Variants in PHACTR1 observed in about 807,000 individuals in gnomAD.
PHACTR1 encodes phosphatase and actin regulator 1.
A neutral mutation model predicts 69.2 loss-of-function variants in PHACTR1; 16 were observed. The observed-to-expected ratio is 0.23, with a 90% CI of 0.16 to 0.35. The LOEUF is 0.35. PHACTR1 is among the 10% of genes least tolerant of loss of function. The pLI is 1.00. For synonymous variants in PHACTR1, 312 were observed against 284.5 expected (o/e 1.10, Z -0.97); for missense variants, 510 against 734.7 (o/e 0.69, Z 3.54).
rs1000804707 is a variant in PHACTR1 at position 12,784,101 on chromosome 6, CTACA to C, written c.250+34321_250+34324del. ...TGGACATACACATATATCTCTACAC[CTACA>C]TACATACATGATGATATATACATAT... On this transcript the variant is annotated intron_variant, in intron 4 of 14. Coordinates refer to ENST00000332995, the MANE Select transcript of PHACTR1 (RefSeq NM_030948.6). Among the ~76,000 whole-genome samples the C allele has an allele frequency of 3.2e-4, 49 of 151,802 alleles. 1 individual carries two copies. Among genetic ancestry groups the C allele is most frequent in the Non-Finnish European group, 6.8e-4 (46 of 67,950 alleles).
intron 4 of PHACTR1, among the ~76,000 whole-genome samples, chr6:13,007,356 G>A (rs919515058): frequency 2.6e-5 from 4 of 152,164 alleles, no homozygotes; most frequent in Non-Finnish European, 5.9e-5. Context: ...GGGATTTATA[G>A]TTTGGAGCAA....
At chr6:13,051,524 TTGAC>T (rs1207890502) in intron 4 of PHACTR1, among the ~76,000 whole-genome samples, 3 of 152,210 alleles carry the variant, frequency 2.0e-5, no homozygotes, top group African/African-American at 7.2e-5. Flanking sequence ...AGGCTCACAG[TTGAC>T]TGAGTTCCTT....
chr6:12,811,706 G>A (rs537544788), intron 4 of PHACTR1, among the ~76,000 whole-genome samples: 141 of 152,202 alleles, frequency 9.3e-4, no homozygotes, highest in Middle Eastern at 3.4e-3. Flanking sequence ...ACCCCACACG[G>A]ATCACCCTTT....
Position 13,008,798 on chromosome 6 carries a change from G to GA in PHACTR1, c.251-44560dup, listed in dbSNP as rs534195688. On this transcript the variant is annotated intron_variant, in intron 4 of 14. Coordinates refer to ENST00000332995, the MANE Select transcript of PHACTR1 (RefSeq NM_030948.6). ...ATACTGCACATTTAGAGCAAACCTG[G>GA]AAAAAAATAGATGCTATTCTTGTAA... Among the ~76,000 whole-genome samples the GA allele has an allele frequency of 1.8e-3, 267 of 152,232 alleles. 2 individuals carry two copies. Among genetic ancestry groups the GA allele is most frequent in the Admixed American group, 3.1e-3 (48 of 15,298 alleles).
intron 4 of PHACTR1, among the ~76,000 whole-genome samples, chr6:12,966,781 G>A (rs1206915189): frequency 6.6e-6 from 1 of 152,116 alleles, no homozygotes; most frequent in Non-Finnish European, 1.5e-5. Context: ...GTAAAAATAT[G>A]TGAAATTTCA....
At chr6:13,215,993 C>CAT (rs10623313) in intron 8 of PHACTR1, among the ~76,000 whole-genome samples, 90,524 of 151,824 alleles carry the variant, frequency 0.6, 27,923 homozygotes, top group Admixed American at 0.68. Flanking sequence ...AAAATTATAA[C>CAT]TGATAAGTTT....
At chr6:13,163,756 G>A (rs1411385552) in intron 6 of PHACTR1, among the ~76,000 whole-genome samples, 1 of 152,252 alleles carries the variant, frequency 6.6e-6, no homozygotes, top group East Asian at 1.9e-4. Context: ...TAGTCAAGTT[G>A]CTTGACTTCT....
At chr6:12,759,155 G>C (rs1767736569) in intron 4 of PHACTR1, among the ~76,000 whole-genome samples, 1 of 149,370 alleles carries the variant, frequency 6.7e-6, no homozygotes, top group Admixed American at 6.7e-5. Context: ...AGAATGGCTG[G>C]AACTCACTGT....
At chr6:12,798,069 C>CACACACACACACACA (rs1561892342) in intron 4 of PHACTR1, among the ~76,000 whole-genome samples, 7 of 149,476 alleles carry the variant, frequency 4.7e-5, no homozygotes, top group African/African-American at 7.3e-5. Context: ...CACACACACA[C>CACACACACACACACA]CCCTACATAA....
intron 4 of PHACTR1, among the ~76,000 whole-genome samples, chr6:12,838,596 G>T (rs1778392912): frequency 6.6e-6 from 1 of 152,184 alleles, no homozygotes; most frequent in African/African-American, 2.4e-5. Flanking sequence ...TTCGTAAAAT[G>T]GGAGGCCCTC....
chr6:13,164,838 G>A (rs1244519858), intron 6 of PHACTR1, among the ~76,000 whole-genome samples: 1 of 152,138 alleles, frequency 6.6e-6, no homozygotes, highest in East Asian at 1.9e-4. Flanking sequence ...ATTTAATTCA[G>A]GCAAAATGAG....
intron 10 of PHACTR1, among the ~76,000 whole-genome samples, chr6:13,247,717 CTAGGCA>C (rs1394981889): frequency 1.3e-5 from 2 of 152,084 alleles, no homozygotes; most frequent in Non-Finnish European, 2.9e-5. Flanking sequence ...ATTGTGGAAG[CTAGGCA>C]TGCACCTATA....
At chr6:12,791,612 TGA>T (rs1315381538) in intron 4 of PHACTR1, among the ~76,000 whole-genome samples, 1 of 152,212 alleles carries the variant, frequency 6.6e-6, no homozygotes, top group Non-Finnish European at 1.5e-5. Flanking sequence ...GCCTCATGCT[TGA>T]GAGAGTTTCT....
chr6:12,784,868 C>T (rs1464810961), intron 4 of PHACTR1, among the ~76,000 whole-genome samples: 1 of 151,916 alleles, frequency 6.6e-6, no homozygotes, highest in Non-Finnish European at 1.5e-5. Flanking sequence ...GCATGCACCA[C>T]CATGCCCAGC....
intron 10 of PHACTR1, among the ~76,000 whole-genome samples, chr6:13,248,435 G>A (rs986361908): frequency 6.6e-6 from 1 of 152,188 alleles, no homozygotes; most frequent in African/African-American, 2.4e-5. Context: ...TGATCTCTAT[G>A]CATTAATTTG....
intron 7 of PHACTR1, among the ~76,000 whole-genome samples, chr6:13,204,147 A>G (rs1445174154): frequency 6.6e-6 from 1 of 152,152 alleles, no homozygotes; most frequent in African/African-American, 2.4e-5. Context: ...ACATGAAGAG[A>G]TGAACCAAGC....
intron 5 of PHACTR1, among the ~76,000 whole-genome samples, chr6:13,133,129 T>C (rs1820734253): frequency 6.6e-6 from 1 of 151,788 alleles, no homozygotes; most frequent in Non-Finnish European, 1.5e-5. Context: ...CTTTCTTTGC[T>C]CCCCCGTAAG....
chr6:12,857,283 G>A (rs891094674), intron 4 of PHACTR1, among the ~76,000 whole-genome samples: 1 of 152,114 alleles, frequency 6.6e-6, no homozygotes, highest in Non-Finnish European at 1.5e-5. Context: ...TACACTTAAA[G>A]TGAGACTAAT....
At chr6:12,736,241 T>C (rs990058093) in intron 3 of PHACTR1, among the ~76,000 whole-genome samples, 1 of 152,258 alleles carries the variant, frequency 6.6e-6, no homozygotes, top group South Asian at 2.1e-4. Context: ...TTATAGTTAA[T>C]GATATTCATC....
Sources: allele counts gnomAD v4.1 joint callset (sites outside exome capture counted in the v4.1 genomes callset), GRCh38; gene constraint gnomAD v4.1.1; transcripts MANE v1.5; gene names NCBI Gene and HGNC (gene_info 2026-07-23, HGNC 2026-07-21).